FILIP1L: variants seen among roughly 807,000 people sequenced by gnomAD.
The protein encoded by FILIP1L is filamin A-interacting protein 1-like.
FILIP1L carries 55 observed loss-of-function variants against 96.6 expected under a neutral mutation model. The ratio of observed to expected loss-of-function variants is 0.57; its 90% CI spans 0.46 to 0.71. FILIP1L has a LOEUF of 0.71. Ranked by LOEUF, FILIP1L falls within the 30% of genes least tolerant of loss-of-function variation. The pLI, the probability that FILIP1L is intolerant of heterozygous loss-of-function variation, is 0.00. For synonymous variants in FILIP1L, 467 were observed against 473.9 expected (o/e 0.99, Z 0.19); for missense variants, 1,304 against 1,321.2 (o/e 0.99, Z 0.20).
chr3:99,845,543 T>G (rs1437786019), intron 5 of FILIP1L, among the ~76,000 whole-genome samples: 1 of 152,186 alleles, frequency 6.6e-6, no homozygotes, highest in African/African-American at 2.4e-5. Flanking sequence ...TCCTCTTTCC[T>G]TCCTGGTTTT....
chr3:100,026,925 T>A (rs1424096240), intron 1 of FILIP1L, among the ~76,000 whole-genome samples: 1 of 151,912 alleles, frequency 6.6e-6, no homozygotes, highest in Non-Finnish European at 1.5e-5. Flanking sequence ...CAATAACCCA[T>A]AAGACTCTCC....
chr3:100,106,834 T>C (rs546428426), intron 1 of FILIP1L, among the ~76,000 whole-genome samples: 1 of 152,260 alleles, frequency 6.6e-6, no homozygotes, highest in African/African-American at 2.4e-5. Flanking sequence ...GTCTGGAAAA[T>C]TTAAGATGCC....
intron 1 of FILIP1L, among the ~76,000 whole-genome samples, chr3:100,064,978 A>T (rs2065639430): frequency 2.0e-5 from 3 of 152,230 alleles, no homozygotes; most frequent in Admixed American, 6.5e-5. Flanking sequence ...ACACACATAC[A>T]CATGTGTGTG....
At chr3:100,100,789 G>A (rs1412031132) in intron 1 of FILIP1L, among the ~76,000 whole-genome samples, 2 of 152,166 alleles carry the variant, frequency 1.3e-5, no homozygotes, top group South Asian at 4.1e-4. Context: ...GGTTAGTATC[G>A]CCTTGCTGCA....
intron 1 of FILIP1L, among the ~76,000 whole-genome samples, chr3:99,979,025 A>G (rs1425412421): frequency 6.6e-6 from 1 of 152,160 alleles, no homozygotes. Flanking sequence ...TGTCTGTGGC[A>G]CTGTAGGGCG....
At chr3:99,967,264 T>C (rs188521160) in intron 1 of FILIP1L, among the ~76,000 whole-genome samples, 22 of 152,340 alleles carry the variant, frequency 1.4e-4, no homozygotes, top group Admixed American at 1.3e-3. Context: ...CCCTCTGATA[T>C]TAATACTTAC....
chr3:99,855,794 C>T (rs186804350), intron 4 of FILIP1L, among the ~76,000 whole-genome samples: 20 of 152,294 alleles, frequency 1.3e-4, no homozygotes, highest in African/African-American at 4.8e-4. Flanking sequence ...CTCCTTTTCA[C>T]ATTTTTAACT....
chr3:100,021,954 TGTGTGTGAGA>T (rs775446991), intron 1 of FILIP1L, among the ~76,000 whole-genome samples: 7,158 of 111,390 alleles, frequency 0.064, 179 homozygotes, highest in East Asian at 0.14. Context: ...TGTGTGTGTG[TGTGTGTGAGA>T]GAGAGAGAGA....
At chr3:99,972,080 T>C (rs985786383) in intron 1 of FILIP1L, among the ~76,000 whole-genome samples, 8 of 152,200 alleles carry the variant, frequency 5.3e-5, no homozygotes, top group Non-Finnish European at 1.0e-4. Context: ...CGAATATTAT[T>C]GAGAGGAACC....
At position 99,849,186 on chromosome 3, in the gene FILIP1L, C is replaced by T; in HGVS notation, c.2490G>A (p.Glu830=). The T allele has an allele frequency of 6.2e-7, 1 of 1,614,174 alleles. No individual in the cohort carries two copies. The highest frequency in any genetic ancestry group is 8.5e-7 in the Non-Finnish European group (1 of 1,180,030). The change falls in exon 5 of 6, where the codon GAG becomes GAA. Residue 830 remains glutamate, a synonymous_variant. Transcript: ENST00000477258. ...TAGGGTCCTCGTCTTGATTCTCACT[C>T]TCCTCATATAACTGACCATTGATGA... ...RAVINGQLYE[E]SENQDEDPND...
intron 1 of FILIP1L, among the ~76,000 whole-genome samples, chr3:100,083,039 T>C (rs2065955745): frequency 6.6e-6 from 1 of 152,240 alleles, no homozygotes; most frequent in Non-Finnish European, 1.5e-5. Context: ...TTCTACTGGC[T>C]ATATTTATGA....
chr3:100,055,690 T>C (rs1307150902), intron 1 of FILIP1L, among the ~76,000 whole-genome samples: 1 of 152,214 alleles, frequency 6.6e-6, no homozygotes, highest in Non-Finnish European at 1.5e-5. Flanking sequence ...TTCCCTGTTC[T>C]TTAGTAGTCA....
chr3:99,856,586 G>T (rs1030182278), intron 4 of FILIP1L, among the ~76,000 whole-genome samples: 1 of 152,232 alleles, frequency 6.6e-6, no homozygotes. Context: ...CTTTCCGTTA[G>T]AGTTTCTACT....
chr3:99,957,505 G>A lies in FILIP1L; in HGVS notation c.-10-26475C>T, dbSNP rs531257705. ...AAGATCCTCATTAGGTTTCTGTGTG[G>A]TAATATCATCAGACATCTTTTAAGG... On this transcript the variant is annotated intron_variant, in intron 1 of 5. Transcript: ENST00000477258. 9.9e-5 allele frequency among the ~76,000 whole-genome samples: 15 copies of A among 151,950 alleles called. No individual in the cohort carries two copies. The South Asian group carries it at 3.1e-3, about 32-fold the overall frequency.
intron 1 of FILIP1L, among the ~76,000 whole-genome samples, chr3:100,096,984 T>A (rs1209955681): frequency 6.6e-6 from 1 of 152,150 alleles, no homozygotes; most frequent in Non-Finnish European, 1.5e-5. Flanking sequence ...TATATTGCAT[T>A]ACACCCTGGG....
chr3:100,000,906 G>A (rs766403261), intron 1 of FILIP1L, among the ~76,000 whole-genome samples: 2 of 152,218 alleles, frequency 1.3e-5, no homozygotes, highest in African/African-American at 2.4e-5. Flanking sequence ...GTCAAAGCCT[G>A]TAGTTGACCT....
intron 1 of FILIP1L, among the ~76,000 whole-genome samples, chr3:99,973,669 T>C (rs554823673): frequency 2.0e-5 from 3 of 152,206 alleles, no homozygotes; most frequent in Non-Finnish European, 2.9e-5. Context: ...GTAAGAAGAA[T>C]AATAAACACA....
chr3:99,993,265 C>A (rs980446220), intron 1 of FILIP1L, among the ~76,000 whole-genome samples: 10 of 151,842 alleles, frequency 6.6e-5, no homozygotes, highest in African/African-American at 2.4e-4. Context: ...AATATTGATT[C>A]TTCAATCTAT....
chr3:100,016,134 T>C (rs1255977055), intron 1 of FILIP1L, among the ~76,000 whole-genome samples: 1 of 152,212 alleles, frequency 6.6e-6, no homozygotes, highest in Non-Finnish European at 1.5e-5. Flanking sequence ...GAGGTCTCTT[T>C]ATCACTCTCC....
Sources: allele counts gnomAD v4.1 joint callset (sites outside exome capture counted in the v4.1 genomes callset), GRCh38; gene constraint gnomAD v4.1.1; transcripts MANE v1.5; gene names NCBI Gene and HGNC (gene_info 2026-07-23, HGNC 2026-07-21).